Variants in PRKAG2 observed in about 807,000 individuals in gnomAD.
PRKAG2 encodes the protein protein kinase AMP-activated non-catalytic subunit gamma 2.
PRKAG2 carries 26 observed loss-of-function variants against 69.6 expected under a neutral mutation model. That is an observed-to-expected ratio of 0.37 (90% confidence interval 0.27 to 0.52). The LOEUF is 0.52. PRKAG2 is among the 20% of genes least tolerant of loss of function. The probability of loss-of-function intolerance (pLI) is 0.90; values close to 1 mark genes in which losing one functional copy is unlikely to be tolerated. For synonymous variants in PRKAG2, 293 were observed against 285.0 expected (o/e 1.03, Z -0.28); for missense variants, 557 against 740.0 (o/e 0.75, Z 2.87).
chr7:151,645,122 C>G (rs1342843662), intron 4 of PRKAG2, among the ~76,000 whole-genome samples: 1 of 152,162 alleles, frequency 6.6e-6, no homozygotes, highest in East Asian at 1.9e-4. Flanking sequence ...TATCCCTCTT[C>G]TTGAGTGTGA....
rs543513182 is a variant in PRKAG2 at position 151,670,663 on chromosome 7, A to G, written c.684+4757T>C. 2.6e-5 allele frequency among the ~76,000 whole-genome samples: 4 copies of G among 152,320 alleles called. No homozygotes were observed. The East Asian group carries it at 7.7e-4, about 29-fold the overall frequency. On this transcript the variant is annotated intron_variant, in intron 4 of 15. Transcript: ENST00000287878. ...ATGAATTACCTGTCTGTTCTTCCCA[A>G]AGAAACAAAAGCTCCTTCCTTTGTT...
intron 1 of PRKAG2, among the ~76,000 whole-genome samples, chr7:151,838,976 T>C (rs80103672): frequency 0.12 from 17,786 of 148,378 alleles, 1,490 homozygotes; most frequent in East Asian, 0.37. Context: ...GACTGAGCCA[T>C]TGCACTCCAG....
intron 1 of PRKAG2, among the ~76,000 whole-genome samples, chr7:151,811,483 T>C (rs1007362664): frequency 1.3e-5 from 2 of 152,262 alleles, no homozygotes; most frequent in Non-Finnish European, 2.9e-5. Context: ...TTCCATTCTA[T>C]TTTTCTCTTA....
At chr7:151,639,908 T>C (rs1826390442) in intron 4 of PRKAG2, among the ~76,000 whole-genome samples, 1 of 152,128 alleles carries the variant, frequency 6.6e-6, no homozygotes, top group Non-Finnish European at 1.5e-5. Flanking sequence ...AATCAATCAA[T>C]CAATCATCTA....
chr7:151,800,095 T>C lies in PRKAG2; in HGVS notation c.115-13554A>G, dbSNP rs373480582. 2.8e-4 allele frequency among the ~76,000 whole-genome samples: 43 copies of C among 152,262 alleles called. 2 individuals carry two copies. Among genetic ancestry groups the C allele is most frequent in the East Asian group, 1.2e-3 (6 of 5,170 alleles). On this transcript the variant is annotated intron_variant, in intron 1 of 15. Transcript: ENST00000287878. ...CTCACGGGCCGGGTGCGGTGGCTCA[T>C]GCCTGTAATCCCAGCACTTTGGGAG...
intron 1 of PRKAG2, among the ~76,000 whole-genome samples, chr7:151,796,634 G>A (rs1277315876): frequency 1.3e-5 from 2 of 152,146 alleles, no homozygotes; most frequent in South Asian, 4.1e-4. Flanking sequence ...ACACCCAGTT[G>A]GAGCTCGGCA....
intron 1 of PRKAG2, among the ~76,000 whole-genome samples, chr7:151,813,451 A>C (rs2078525682): frequency 6.6e-6 from 1 of 151,606 alleles, no homozygotes; most frequent in Non-Finnish European, 1.5e-5. Context: ...ACAGACTTGA[A>C]GCAGACAGAC....
intron 1 of PRKAG2, among the ~76,000 whole-genome samples, chr7:151,858,973 C>T (rs1033045717): frequency 6.6e-6 from 1 of 152,202 alleles, no homozygotes; most frequent in African/African-American, 2.4e-5. Context: ...GCATCGACAG[C>T]AGGTCCAGCC....
intron 4 of PRKAG2, chr7:151,675,108 A>G: frequency 2.7e-6 from 1 of 370,910 alleles, no homozygotes; most frequent in Non-Finnish European, 5.3e-6. Context: ...TTTGGTAGAG[A>G]CAGGGTTTTG....
At chr7:151,737,880 C>T (rs1003300686) in intron 3 of PRKAG2, among the ~76,000 whole-genome samples, 3 of 152,176 alleles carry the variant, frequency 2.0e-5, no homozygotes, top group Non-Finnish European at 4.4e-5. Context: ...CACCCCAGAT[C>T]TGCCATTCCC....
intron 5 of PRKAG2, among the ~76,000 whole-genome samples, chr7:151,623,363 CAAAAAAAAAAAAAA>C (rs71198724): frequency 8.2e-5 from 3 of 36,664 alleles, no homozygotes; most frequent in South Asian, 2.7e-3. Context: ...GACTCTGTCT[CAAAAAAAAAAAAAA>C]AAAAAAAAAA....
chr7:151,707,402 C>T (rs559667131), intron 3 of PRKAG2, among the ~76,000 whole-genome samples: 57 of 152,234 alleles, frequency 3.7e-4, no homozygotes, highest in African/African-American at 1.3e-3. Flanking sequence ...AAACGGTGGT[C>T]GGAGAAGCTG....
intron 3 of PRKAG2, among the ~76,000 whole-genome samples, chr7:151,701,492 C>A (rs1456009617): frequency 6.6e-6 from 1 of 152,174 alleles, no homozygotes; most frequent in Non-Finnish European, 1.5e-5. Context: ...AACGTGGACA[C>A]AGATACACAG....
intron 4 of PRKAG2, among the ~76,000 whole-genome samples, chr7:151,656,207 A>C (rs1829388987): frequency 6.6e-6 from 1 of 152,212 alleles, no homozygotes; most frequent in Admixed American, 6.5e-5. Flanking sequence ...AACTGGAAAT[A>C]ACCAACAATT....
intron 1 of PRKAG2, among the ~76,000 whole-genome samples, chr7:151,822,728 C>G (rs969390644): frequency 6.6e-6 from 1 of 152,114 alleles, no homozygotes; most frequent in Non-Finnish European, 1.5e-5. Context: ...GTGCAATGGC[C>G]TTGGCTGTGT....
intron 1 of PRKAG2, among the ~76,000 whole-genome samples, chr7:151,855,602 G>GCCACCCTCCACACACA (rs2079753229): frequency 3.3e-5 from 3 of 90,138 alleles, no homozygotes; most frequent in South Asian, 4.5e-4. Flanking sequence ...CTCCACACAC[G>GCCACCCTCCACACACA]CCACCCTCCA....
chr7:151,805,475 T>C (rs1214120317), intron 1 of PRKAG2, among the ~76,000 whole-genome samples: 1 of 152,210 alleles, frequency 6.6e-6, no homozygotes, highest in Admixed American at 6.5e-5. Flanking sequence ...TTTCAAATCA[T>C]ATTTTTAAGT....
intron 14 of PRKAG2, among the ~76,000 whole-genome samples, chr7:151,563,595 T>TTA (rs1322496441): frequency 1.3e-5 from 2 of 152,336 alleles, no homozygotes; most frequent in Admixed American, 1.3e-4. Context: ...ATCGATCTAT[T>TTA]TAGAGACAGG....
At chr7:151,686,015 C>T (rs1242452378) in intron 3 of PRKAG2, among the ~76,000 whole-genome samples, 1 of 152,176 alleles carries the variant, frequency 6.6e-6, no homozygotes, top group Non-Finnish European at 1.5e-5. Context: ...GCTCTAAACC[C>T]TTGTCTGGGC....
Sources: gnomAD v4.1 joint callset for allele counts (sites outside exome capture counted in the v4.1 genomes callset) on GRCh38, gnomAD v4.1.1 for gene constraint, MANE v1.5 for transcripts, NCBI Gene and HGNC (gene_info 2026-07-23, HGNC 2026-07-21) for gene names.